PYROXD2: variants seen among roughly 807,000 people sequenced by gnomAD.
The protein encoded by PYROXD2 is pyridine nucleotide-disulfide oxidoreductase domain-containing protein 2.
In PYROXD2, 69 loss-of-function variants were observed where a neutral mutation model predicts 71.1. The observed-to-expected ratio is 0.97, with a 90% CI of 0.80 to 1.19. PYROXD2 has a LOEUF of 1.19. Ranked by LOEUF, PYROXD2 falls within the 50% of genes most tolerant of loss-of-function variation. PYROXD2 has a pLI of 0.00. For missense variants in PYROXD2, 745 were observed against 748.9 expected, an observed-to-expected ratio of 0.99 and a Z score of 0.06; for synonymous variants, 287 against 302.7, an observed-to-expected ratio of 0.95 and a Z score of 0.54.
chr10:98,397,446 G>C lies in PYROXD2; in HGVS notation c.524C>G (p.Pro175Arg). 1 of 1,613,394 alleles carries C rather than the reference G, an allele frequency of 6.2e-7. No individual in the cohort carries two copies. Among genetic ancestry groups the C allele is most frequent in the Non-Finnish European group, 8.5e-7 (1 of 1,179,560 alleles). ...GTCCACGGGGGCCGCATCCAGCAGA[G>C]GGTCAATGGCTAATGCCAAGCGATG... ...FMHRLALAIDPLLDAAPVDMA... is the reference protein window; with the variant it reads ...FMHRLALAIDRLLDAAPVDMA... The change falls in exon 6 of 16, where the codon CCT becomes CGT. Residue 175 changes from proline (P) to arginine (R), a missense_variant. Pro to Arg is a moderately radical substitution (Grantham distance 103). Transcript: ENST00000370575.
Position 98,390,994 on chromosome 10 carries a change from G to A in PYROXD2, c.1135+16C>T. 1 of 1,595,842 alleles carries A rather than the reference G, an allele frequency of 6.3e-7. No individual in the cohort carries two copies. The highest frequency in any genetic ancestry group is 8.6e-7 in the Non-Finnish European group (1 of 1,163,476). On this transcript the variant is annotated intron_variant, in intron 11 of 15. Coordinates refer to ENST00000370575, the MANE Select transcript of PYROXD2 (RefSeq NM_032709.3). ...GGGTCAAAGGAGACAGTGCTGCAAT[G>A]TGGTGTGCCTCTTACCATTGATCTT...
intron 1 of PYROXD2, chr10:98,414,692 G>T (rs1355364613): frequency 2.0e-5 from 5 of 248,994 alleles, no homozygotes; most frequent in Admixed American, 5.6e-5. Flanking sequence ...GTGGAAACTA[G>T]GTCACTTTGC....
At chr10:98,412,429 G>C (rs530267860) in intron 1 of PYROXD2, among the ~76,000 whole-genome samples, 1 of 152,138 alleles carries the variant, frequency 6.6e-6, no homozygotes, top group Non-Finnish European at 1.5e-5. Flanking sequence ...TGCTCTGGGC[G>C]TGGGCTCTGC....
intron 6 of PYROXD2, among the ~76,000 whole-genome samples, chr10:98,396,085 T>C (rs570835765): frequency 7.4e-4 from 112 of 152,362 alleles, no homozygotes; most frequent in Non-Finnish European, 1.3e-3. Flanking sequence ...TTTTTGCATT[T>C]GTAATAGATT....
intron 8 of PYROXD2, among the ~76,000 whole-genome samples, chr10:98,394,788 G>T (rs11189587): frequency 1.3e-5 from 2 of 151,534 alleles, no homozygotes; most frequent in Non-Finnish European, 2.9e-5. Flanking sequence ...GAGAATGGGC[G>T]TTTGCGGGAG....
At chr10:98,406,318 A>G (rs1843595222) in intron 4 of PYROXD2, among the ~76,000 whole-genome samples, 1 of 152,242 alleles carries the variant, frequency 6.6e-6, no homozygotes, top group African/African-American at 2.4e-5. Flanking sequence ...TTAGTCTCTT[A>G]AATCAGGTTT....
chr10:98,408,086 A>C, intron 2 of PYROXD2, 89 bp from the exon 3 acceptor site: 1 of 1,283,288 alleles, frequency 7.8e-7, no homozygotes, highest in Admixed American at 2.0e-5. Context: ...TAAGGTCCTC[A>C]CTATAGGCCA....
intron 4 of PYROXD2, among the ~76,000 whole-genome samples, chr10:98,402,825 T>C (rs989708348): frequency 5.9e-5 from 9 of 152,230 alleles, no homozygotes; most frequent in Non-Finnish European, 5.9e-5. Context: ...CCAAGTAGAA[T>C]GTAAGCCCTG....
intron 12 of PYROXD2, 61 bp downstream of exon 12, chr10:98,390,537 A>G: frequency 6.7e-7 from 1 of 1,496,204 alleles, no homozygotes. Flanking sequence ...TGGCATGGAC[A>G]GCCCCGCCTC....
chr10:98,397,203 G>A, intron 6 of PYROXD2, 142 bp downstream of exon 6: 1 of 1,138,838 alleles, frequency 8.8e-7, no homozygotes, highest in South Asian at 1.7e-5. Flanking sequence ...GCTCCAGGCT[G>A]CCCCTAATTG....
chr10:98,410,823 C>A (rs758504242), intron 2 of PYROXD2, 116 bp downstream of exon 2: 15 of 1,482,032 alleles, frequency 1.0e-5, no homozygotes, highest in Non-Finnish European at 1.4e-5. Flanking sequence ...GACTAGGCTG[C>A]CTTTTCCTTC....
At chr10:98,386,588 G>C (rs1842762933) in intron 14 of PYROXD2, among the ~76,000 whole-genome samples, 1 of 145,434 alleles carries the variant, frequency 6.9e-6, no homozygotes, top group Non-Finnish European at 1.5e-5. Flanking sequence ...GTCTCATTCT[G>C]TTGCCCAGGC....
In PYROXD2 at chr10:98,400,160, C is replaced by T; in HGVS notation, c.413G>A (p.Gly138Asp). The change falls in exon 5 of 16, where the codon GGC (glycine) becomes GAC (aspartate). Residue 138 changes from glycine to aspartate, a missense_variant. Gly to Asp is a moderately conservative substitution (Grantham distance 94, BLOSUM62 -1). Transcript: ENST00000370575. ...CTTCTGGTTTTCTGCCATGTCTGTG[C>T]CCAGCAGAAGGCACCTGGGCACCTT... is the stretch of plus-strand genomic sequence containing the variant. The part of the protein sequence containing the change: ...GSKVPRCLLL[G>D]TDMAENQKQI... 1 of 1,613,896 alleles carries T rather than the reference C, an allele frequency of 6.2e-7. No individual in the cohort carries two copies.
At chr10:98,400,876 G>T (rs1478351914) in intron 4 of PYROXD2, among the ~76,000 whole-genome samples, 1 of 152,240 alleles carries the variant, frequency 6.6e-6, no homozygotes, top group African/African-American at 2.4e-5. Context: ...AGGCTGTGGG[G>T]TGTAGCCTGT....
chr10:98,388,560 T>C (rs1590933409), intron 12 of PYROXD2, 52 bp from the exon 13 acceptor site: 4 of 1,452,510 alleles, frequency 2.8e-6, no homozygotes, highest in African/African-American at 1.5e-5. Context: ...GTGCGGAGGG[T>C]AGGGCATCCG....
chr10:98,391,149 T>C (rs1030045146), intron 10 of PYROXD2, 67 bp from the exon 11 acceptor site: 18 of 1,046,722 alleles, frequency 1.7e-5, no homozygotes, highest in Admixed American at 8.5e-5. Flanking sequence ...CCTTCTTTCT[T>C]TGCTCAGGAA....
intron 1 of PYROXD2, among the ~76,000 whole-genome samples, chr10:98,413,303 A>G (rs1434211056): frequency 6.6e-6 from 1 of 152,258 alleles, no homozygotes; most frequent in Non-Finnish European, 1.5e-5. Context: ...AAATGCTAAT[A>G]ATGCAGATTA....
chr10:98,392,987 G>T lies in PYROXD2; in HGVS notation c.882C>A (p.Ile294=). 2.5e-6 allele frequency: 4 copies of T among 1,613,836 alleles called. No homozygotes were observed. Among genetic ancestry groups the T allele is most frequent in the Middle Eastern group, 1.6e-4 (1 of 6,062 alleles). The part of the protein sequence containing the change: ...QGGMGALSDA[I]ASSATTHGAS... ...CTCCATGTGTGGTGGCTGAGCTTGC[G>T]ATCGCATCAGAGAGGGCACCCATGC... is the stretch of plus-strand genomic sequence containing the variant. The change falls in exon 9 of 16, where the codon ATC becomes ATA. Residue 294 remains isoleucine, a synonymous_variant. Coordinates refer to ENST00000370575, the MANE Select transcript of PYROXD2 (RefSeq NM_032709.3).
chr10:98,413,682 C>G (rs1367561678), intron 1 of PYROXD2, among the ~76,000 whole-genome samples: 1 of 152,066 alleles, frequency 6.6e-6, no homozygotes, highest in Non-Finnish European at 1.5e-5. Context: ...CCGCTGCACT[C>G]CAGCCTGGGC....
Sources: gnomAD v4.1 joint callset for allele counts (sites outside exome capture counted in the v4.1 genomes callset) on GRCh38, gnomAD v4.1.1 for gene constraint, MANE v1.5 for transcripts, NCBI Gene and HGNC (gene_info 2026-07-23, HGNC 2026-07-21) for gene names.